Variants in SLC2A9 observed in about 807,000 individuals in gnomAD.
SLC2A9 encodes solute carrier family 2 member 9.
A neutral mutation model predicts 50.6 loss-of-function variants in SLC2A9; 39 were observed. That is an observed-to-expected ratio of 0.77 (90% CI 0.60 to 1.01). The LOEUF is 1.01. SLC2A9 is among the 50% of genes least tolerant of loss of function. The pLI, the probability that SLC2A9 is intolerant of heterozygous loss-of-function variation, is 0.00. For missense variants in SLC2A9, 686 were observed against 677.6 expected (o/e 1.01, Z -0.14); for synonymous variants, 324 against 276.9 (o/e 1.17, Z -1.69).
At chr4:9,911,290 C>T (rs1367589992) in intron 7 of SLC2A9, among the ~76,000 whole-genome samples, 2 of 152,114 alleles carry the variant, frequency 1.3e-5, no homozygotes, top group African/African-American at 4.8e-5. Flanking sequence ...TGCCCCGGGG[C>T]AGACCTGTAC....
At chr4:9,813,933 TAAA>T in intron 3 of SLC2A9, among the ~76,000 whole-genome samples, 1 of 151,606 alleles carries the variant, frequency 6.6e-6, no homozygotes, top group Non-Finnish European at 1.5e-5. Context: ...CCATCTCTAC[TAAA>T]AATACAAAAA....
At chr4:9,834,105 G>A (rs1726640682) in intron 11 of SLC2A9, among the ~76,000 whole-genome samples, 1 of 152,180 alleles carries the variant, frequency 6.6e-6, no homozygotes, top group Admixed American at 6.5e-5. Context: ...CCTTGCACTT[G>A]CTGTTTTTCT....
At chr4:9,959,881 C>T (rs1010906702) in intron 5 of SLC2A9, among the ~76,000 whole-genome samples, 5 of 152,202 alleles carry the variant, frequency 3.3e-5, no homozygotes, top group East Asian at 1.9e-4. Context: ...TTCTGGCTTT[C>T]GGGGAGGGGC....
At chr4:9,861,894 CA>C (rs1731720438) in intron 10 of SLC2A9, among the ~76,000 whole-genome samples, 1 of 152,166 alleles carries the variant, frequency 6.6e-6, no homozygotes, top group Admixed American at 6.5e-5. Context: ...TCCTCTGCTT[CA>C]AATCTCCAAT....
At chr4:9,933,734 G>A (rs961029438) in intron 6 of SLC2A9, among the ~76,000 whole-genome samples, 3 of 152,194 alleles carry the variant, frequency 2.0e-5, no homozygotes, top group African/African-American at 7.2e-5. Context: ...TGAAGCAGGT[G>A]TCACTGGATT....
intron 7 of SLC2A9, among the ~76,000 whole-genome samples, chr4:9,919,123 T>A (rs1315419564): frequency 1.3e-5 from 2 of 152,118 alleles, no homozygotes; most frequent in Non-Finnish European, 2.9e-5. Flanking sequence ...AGGTGTTAGC[T>A]TGAAGAAACA....
chr4:9,900,284 G>A (rs772605046), intron 8 of SLC2A9, among the ~76,000 whole-genome samples: 1 of 152,106 alleles, frequency 6.6e-6, no homozygotes, highest in Admixed American at 6.5e-5. Context: ...TGGTGGGGCC[G>A]GACACAGGGG....
At chr4:9,863,689 T>C (rs1303102419) in intron 10 of SLC2A9, among the ~76,000 whole-genome samples, 2 of 144,546 alleles carry the variant, frequency 1.4e-5, no homozygotes, top group Non-Finnish European at 3.0e-5. Flanking sequence ...GGTGAGAGAA[T>C]GCATGTCCGC....
intron 3 of SLC2A9, chr4:9,782,869 C>T (rs746250000): frequency 6.2e-7 from 1 of 1,613,574 alleles, no homozygotes; most frequent in East Asian, 2.2e-5. Flanking sequence ...CCTGCGCGCC[C>T]GACACCAGCC....
intron 10 of SLC2A9, among the ~76,000 whole-genome samples, chr4:9,876,629 C>A (rs753497705): frequency 6.6e-6 from 1 of 152,102 alleles, no homozygotes; most frequent in Non-Finnish European, 1.5e-5. Flanking sequence ...ACAAATAAAA[C>A]CCTCTTGACT....
intron 10 of SLC2A9, among the ~76,000 whole-genome samples, chr4:9,852,247 CTTT>C (rs34058781): frequency 1.2e-4 from 17 of 140,840 alleles, no homozygotes; most frequent in Admixed American, 2.1e-4. Flanking sequence ...ATCCAGTATT[CTTT>C]TTTTTTTTTT....
chr4:9,953,251 G>C (rs1358294086), intron 5 of SLC2A9, among the ~76,000 whole-genome samples: 6 of 152,214 alleles, frequency 3.9e-5, no homozygotes, highest in Non-Finnish European at 8.8e-5. Context: ...AGGAGGTAGA[G>C]AACCAAAGCC....
At chr4:10,040,211 G>A (rs1764238600) in exon 1 of SLC2A9, 1 of 152,228 alleles carries the variant, frequency 6.6e-6, no homozygotes, top group African/African-American at 2.4e-5. Context: ...AGTCCAGAAT[G>A]TTTAATTCCA....
chr4:9,938,408 A>G (rs945107700), intron 6 of SLC2A9, among the ~76,000 whole-genome samples: 3 of 151,350 alleles, frequency 2.0e-5, no homozygotes, highest in African/African-American at 7.3e-5. Flanking sequence ...AGTAGCTGGG[A>G]CTACAGGCGC....
At position 9,887,623 on chromosome 4, in the gene SLC2A9, G is replaced by C. The variant is rs121908323; in HGVS notation, c.1235C>G (p.Pro412Arg). 2.6e-5 allele frequency: 40 copies of C among 1,556,240 alleles called. No individual in the cohort carries two copies. In the East Asian group the frequency reaches 9.6e-4, roughly 37 times the overall value. ...LTLQDHAPWV[P>R]YLSIVGILAI... ...CAGAATGCCCACGATACTCAGGTAGGGGACCCAGGGGGCGTGGTCCTGGGA... is the reference window on the plus strand; with the variant it reads ...CAGAATGCCCACGATACTCAGGTAGCGGACCCAGGGGGCGTGGTCCTGGGA... The change falls in exon 10 of 12, where the codon CCC (proline) becomes CGC (arginine). Residue 412 changes from proline (P) to arginine (R), a missense_variant. Physicochemically the swap from Pro to Arg is moderately radical, Grantham distance 103. Coordinates refer to ENST00000264784, the MANE Select transcript of SLC2A9 (RefSeq NM_020041.3).
chr4:10,005,041 T>C (rs920552636), intron 2 of SLC2A9, among the ~76,000 whole-genome samples: 1 of 152,210 alleles, frequency 6.6e-6, no homozygotes, highest in Non-Finnish European at 1.5e-5. Context: ...ACAGGTCTGC[T>C]TCCTCACTAC....
At chr4:9,839,489 T>A (rs1343965630) in intron 10 of SLC2A9, among the ~76,000 whole-genome samples, 2 of 152,060 alleles carry the variant, frequency 1.3e-5, no homozygotes, top group Admixed American at 1.3e-4. Flanking sequence ...ACCAGGTATA[T>A]ACCCAAAGGA....
chr4:9,955,356 G>A (rs1288423432), intron 5 of SLC2A9, among the ~76,000 whole-genome samples: 4 of 104,704 alleles, frequency 3.8e-5, no homozygotes, highest in South Asian at 5.1e-4. Flanking sequence ...TTAGCCGGGC[G>A]TGATGGCGGG....
chr4:9,789,558 A>G (rs1052850647), intron 3 of SLC2A9, among the ~76,000 whole-genome samples: 1 of 152,250 alleles, frequency 6.6e-6, no homozygotes, highest in African/African-American at 2.4e-5. Flanking sequence ...AAATAGGACA[A>G]GATGTCAAGC....
Sources: gnomAD v4.1 joint callset for allele counts (sites outside exome capture counted in the v4.1 genomes callset) on GRCh38, gnomAD v4.1.1 for gene constraint, MANE v1.5 for transcripts, NCBI Gene and HGNC (gene_info 2026-07-23, HGNC 2026-07-21) for gene names.